MAP2: variants seen among roughly 807,000 people sequenced by gnomAD.
The protein encoded by MAP2 is microtubule-associated protein 2.
MAP2 carries 14 observed loss-of-function variants against 137.6 expected under a neutral mutation model. The ratio of observed to expected loss-of-function variants is 0.10; its 90% CI spans 0.07 to 0.16. The LOEUF (loss-of-function observed/expected upper bound fraction) is 0.16, where lower values mean the gene tolerates loss of function less well. Ranked by LOEUF, MAP2 falls within the 10% of genes least tolerant of loss-of-function variation. MAP2 has a pLI of 1.00. For synonymous variants in MAP2, 786 were observed against 782.3 expected (o/e 1.00, Z -0.08); for missense variants, 2,088 against 2,191.5 (o/e 0.95, Z 0.94).
At chr2:209,441,072 G>T (rs565892127) in intron 1 of MAP2, among the ~76,000 whole-genome samples, 64 of 151,616 alleles carry the variant, frequency 4.2e-4, no homozygotes, top group African/African-American at 1.5e-3. Context: ...TAAAAATGAT[G>T]ATTCTAATGC....
At chr2:209,720,410 G>T (rs1266501967) in intron 13 of MAP2, among the ~76,000 whole-genome samples, 4 of 151,948 alleles carry the variant, frequency 2.6e-5, no homozygotes, top group Non-Finnish European at 4.4e-5. Flanking sequence ...AGGCCGAGGC[G>T]GGCAGATCAC....
chr2:209,708,482 G>A (rs1372424798), intron 12 of MAP2, among the ~76,000 whole-genome samples: 1 of 152,136 alleles, frequency 6.6e-6, no homozygotes, highest in Non-Finnish European at 1.5e-5. Context: ...AGAACCTATG[G>A]TGATGGGTGG....
At chr2:209,540,935 T>A (rs2066915549) in intron 2 of MAP2, among the ~76,000 whole-genome samples, 1 of 150,982 alleles carries the variant, frequency 6.6e-6, no homozygotes, top group Admixed American at 6.6e-5. Context: ...CATACAATAG[T>A]TACGTTTACA....
intron 3 of MAP2, among the ~76,000 whole-genome samples, chr2:209,584,120 G>A (rs1003560031): frequency 6.6e-6 from 1 of 152,052 alleles, no homozygotes; most frequent in African/African-American, 2.4e-5. Context: ...TTTTATGGCT[G>A]TGTAGTATTC....
At chr2:209,613,040 CCTT>C (rs2087528136) in intron 3 of MAP2, among the ~76,000 whole-genome samples, 1 of 152,042 alleles carries the variant, frequency 6.6e-6, no homozygotes, top group African/African-American at 2.4e-5. Context: ...GCTAAAATTA[CCTT>C]CTATTAGATC....
chr2:209,601,762 A>G (rs1343941659), intron 3 of MAP2, among the ~76,000 whole-genome samples: 1 of 152,162 alleles, frequency 6.6e-6, no homozygotes, highest in Non-Finnish European at 1.5e-5. Flanking sequence ...TTTTTCTGTG[A>G]TATGCGACAT....
intron 3 of MAP2, among the ~76,000 whole-genome samples, chr2:209,624,760 A>G (rs2091969749): frequency 6.6e-6 from 1 of 152,202 alleles, no homozygotes; most frequent in South Asian, 2.1e-4. Flanking sequence ...CAATTTAAAA[A>G]TTTATTCTCC....
chr2:209,691,299 C>T (rs1468566885), intron 7 of MAP2, among the ~76,000 whole-genome samples: 6 of 151,986 alleles, frequency 3.9e-5, no homozygotes, highest in South Asian at 2.1e-4. Flanking sequence ...TGTTTGCAAC[C>T]GAAATGTGCT....
rs1387533863 is a variant in MAP2, at chr2:209,733,488, A to G, written c.*3091A>G. 6.6e-6 allele frequency: 1 copy of G among 151,578 alleles called. No homozygotes were observed. Among genetic ancestry groups the G allele is most frequent in the African/African-American group, 2.4e-5 (1 of 40,896 alleles). 9.4% of individuals were successfully genotyped at this position (151,578 alleles called of 1,614,324 possible). On this transcript the variant is annotated 3_prime_UTR_variant, in exon 16 of 16. Coordinates refer to ENST00000682079, the MANE Select transcript of MAP2 (RefSeq NM_001375505.1). ...CACACACACACACACACACACACAC[A>G]CACACCTACAGTAATACAGCAAGCG...
chr2:209,709,583 A>G (rs2064719137), intron 12 of MAP2, among the ~76,000 whole-genome samples: 1 of 152,154 alleles, frequency 6.6e-6, no homozygotes, highest in Non-Finnish European at 1.5e-5. Context: ...ACTCTTTCCA[A>G]CTAAAGGCAG....
chr2:209,723,515 T>C (rs1245157142), intron 13 of MAP2: 3 of 799,542 alleles, frequency 3.8e-6, no homozygotes, highest in Non-Finnish European at 6.7e-6. Context: ...AAAGCCTCTT[T>C]GATGCTACCC....
intron 11 of MAP2, 122 bp downstream of exon 11, chr2:209,700,460 C>T (rs748119716): frequency 2.6e-6 from 2 of 757,436 alleles, no homozygotes; most frequent in Non-Finnish European, 4.2e-6. Context: ...AAATAGTTCG[C>T]TCACCCAGAA....
At chr2:209,546,547 T>G (rs971224930) in intron 2 of MAP2, among the ~76,000 whole-genome samples, 1 of 152,206 alleles carries the variant, frequency 6.6e-6, no homozygotes, top group Non-Finnish European at 1.5e-5. Context: ...TTTCATCTCT[T>G]TGAGTCCCAG....
intron 7 of MAP2, 22 bp downstream of exon 7, chr2:209,680,849 A>G: frequency 6.2e-7 from 1 of 1,602,768 alleles, no homozygotes. Context: ...TGGACTTTTC[A>G]GGGTTTGTCT....
At chr2:209,559,177 A>G (rs1279665468) in intron 2 of MAP2, among the ~76,000 whole-genome samples, 1 of 151,498 alleles carries the variant, frequency 6.6e-6, no homozygotes, top group Non-Finnish European at 1.5e-5. Flanking sequence ...CTTTTCCCCC[A>G]ACTCCTCTCC....
chr2:209,619,174 G>A (rs1308373780), intron 3 of MAP2, among the ~76,000 whole-genome samples: 1 of 152,030 alleles, frequency 6.6e-6, no homozygotes, highest in Non-Finnish European at 1.5e-5. Flanking sequence ...CGAAGTTTCT[G>A]TTTGGTAGGG....
chr2:209,621,249 G>C (rs2091060909), intron 3 of MAP2, among the ~76,000 whole-genome samples: 1 of 144,874 alleles, frequency 6.9e-6, no homozygotes, highest in South Asian at 2.5e-4. Context: ...GCAACTTCAG[G>C]CATCTTGATT....
intron 2 of MAP2, among the ~76,000 whole-genome samples, chr2:209,531,517 G>A (rs1005862416): frequency 6.6e-6 from 1 of 152,146 alleles, no homozygotes; most frequent in African/African-American, 2.4e-5. Context: ...ATGTGTGTTT[G>A]CCAAATTTAT....
At chr2:209,616,895 G>A (rs1473290775) in intron 3 of MAP2, among the ~76,000 whole-genome samples, 3 of 152,126 alleles carry the variant, frequency 2.0e-5, no homozygotes, top group East Asian at 1.9e-4. Context: ...GTAGAAATAT[G>A]GTTGGACAAA....
Sources: gnomAD v4.1 joint callset for allele counts (sites outside exome capture counted in the v4.1 genomes callset) on GRCh38, gnomAD v4.1.1 for gene constraint, MANE v1.5 for transcripts, NCBI Gene and HGNC (gene_info 2026-07-23, HGNC 2026-07-21) for gene names.